The following EP300 variants were observed in gnomAD, a reference collection of about 807,000 sequenced individuals.
The protein encoded by EP300 is histone acetyltransferase p300.
EP300 carries 31 observed loss-of-function variants against 264.0 expected under a neutral mutation model. The ratio of observed to expected loss-of-function variants is 0.12; its 90% CI spans 0.09 to 0.16. The LOEUF (loss-of-function observed/expected upper bound fraction) is 0.16. EP300 is among the 10% of genes least tolerant of loss of function. The pLI is 1.00. For missense variants in EP300, 2,766 were observed against 3,052.9 expected (o/e 0.91, Z 2.21); for synonymous variants, 1,340 against 1,045.4 (o/e 1.28, Z -5.44).
At chr22:41,094,549 C>T (rs2058691682) in intron 1 of EP300, among the ~76,000 whole-genome samples, 1 of 152,176 alleles carries the variant, frequency 6.6e-6, no homozygotes, top group Non-Finnish European at 1.5e-5. Flanking sequence ...TATGAAGGTA[C>T]TGTAGTCTCC....
At chr22:41,096,463 G>A (rs968720124) in intron 1 of EP300, among the ~76,000 whole-genome samples, 2 of 152,054 alleles carry the variant, frequency 1.3e-5, no homozygotes, top group African/African-American at 4.8e-5. Flanking sequence ...CAGTTTTGTG[G>A]CCCTGGGTTT....
intron 22 of EP300, among the ~76,000 whole-genome samples, chr22:41,164,699 A>G (rs1187585824): frequency 6.6e-6 from 1 of 152,182 alleles, no homozygotes; most frequent in African/African-American, 2.4e-5. Flanking sequence ...TGGGTGACAG[A>G]GTGAGACTCT....
chr22:41,099,157 C>G (rs530701815), intron 1 of EP300, among the ~76,000 whole-genome samples: 1 of 151,986 alleles, frequency 6.6e-6, no homozygotes, highest in Non-Finnish European at 1.5e-5. Context: ...CTCCGTCTCC[C>G]GGCTTCAAGC....
At position 41,117,196 on chromosome 22, in the gene EP300, C is replaced by G. The variant is rs2145696235; in HGVS notation, c.104C>G (p.Ser35Cys). 1 of 1,614,142 alleles carries G rather than the reference C, an allele frequency of 6.2e-7. No individual in the cohort carries two copies. The highest frequency in any genetic ancestry group is 1.7e-5 in the Admixed American group (1 of 60,002). ...ASASDGTDFG[S>C]LFDLEHDLPD... is the part of the protein sequence containing the mutation. ...TTCCCTTTGCTTTTAGATTTTGGCT[C>G]TCTATTTGACTTGGAGCACGACTTA... Residue 35 changes from serine (S) to cysteine (C), a missense_variant, in exon 2 of 31, where the codon TCT becomes TGT. By Grantham distance (112) the Ser-to-Cys change is moderately radical (BLOSUM62 -1). Transcript: ENST00000263253.
intron 26 of EP300, 56 bp downstream of exon 26, chr22:41,169,672 G>A: frequency 9.8e-7 from 1 of 1,020,410 alleles, no homozygotes; most frequent in Admixed American, 1.7e-5. Context: ...ATTCTGGTGA[G>A]ATATAGGTTA....
intron 8 of EP300, 123 bp downstream of exon 8, chr22:41,137,913 T>A (rs896011715): frequency 1.5e-5 from 19 of 1,297,176 alleles, no homozygotes; most frequent in African/African-American, 2.9e-5. Context: ...GAGGTTGATG[T>A]TGATACTTCT....
intron 1 of EP300, among the ~76,000 whole-genome samples, chr22:41,104,500 G>A (rs1275311446): frequency 6.6e-6 from 1 of 151,922 alleles, no homozygotes; most frequent in African/African-American, 2.4e-5. Flanking sequence ...ATGTTGGCCA[G>A]GCTGACCTCG....
At chr22:41,109,267 A>AAT (rs2058775390) in intron 1 of EP300, among the ~76,000 whole-genome samples, 1 of 151,568 alleles carries the variant, frequency 6.6e-6, no homozygotes, top group East Asian at 1.9e-4. Context: ...AAAAAAAAAA[A>AAT]ACAAAAAAAA....
At position 41,163,993 on chromosome 22, in the gene EP300, T is replaced by C. The variant is rs184657496; in HGVS notation, c.3729-60T>C. 1.3e-4 allele frequency: 192 copies of C among 1,475,050 alleles called. 1 individual carries two copies. The African/African-American group carries it at 2.5e-3, about 20-fold the overall frequency. The allele number at this position is 1,475,050 out of a possible 1,614,324, so 91.4% of individuals were successfully genotyped here. A position where few individuals can be genotyped will look rare whatever the true frequency, so the allele number is the denominator to read the frequency against. On this transcript the variant is annotated intron_variant, in intron 21 of 30. Transcript: ENST00000263253. ...CTTTGTCAGAAGTCATGGGAAATAT[T>C]GCAAGTTTTCATTTGGTTAAGGTTT...
chr22:41,161,794 A>G (rs1452477969), intron 20 of EP300, among the ~76,000 whole-genome samples: 1 of 152,150 alleles, frequency 6.6e-6, no homozygotes, highest in African/African-American at 2.4e-5. Flanking sequence ...TGTTCCTAGT[A>G]AAAATGGGGC....
chr22:41,149,460 A>T (rs1323050857), intron 13 of EP300, among the ~76,000 whole-genome samples: 3 of 152,192 alleles, frequency 2.0e-5, no homozygotes, highest in Non-Finnish European at 4.4e-5. Context: ...ATGTAGAAGG[A>T]AATCTGGCTG....
At chr22:41,135,085 A>G (rs1856383192) in intron 6 of EP300, among the ~76,000 whole-genome samples, 1 of 152,034 alleles carries the variant, frequency 6.6e-6, no homozygotes, top group Admixed American at 6.6e-5. Context: ...TTCTTTTAGT[A>G]GAGACAGGGT....
At chr22:41,171,157 G>A (rs1307796325) in intron 27 of EP300, among the ~76,000 whole-genome samples, 2 of 151,372 alleles carry the variant, frequency 1.3e-5, no homozygotes, top group Non-Finnish European at 2.9e-5. Flanking sequence ...TTTATTTTTG[G>A]GGGGAGGGTG....
rs928533272 is a variant in EP300, at chr22:41,122,612, T to C, written c.730-3252T>C. ...GAATTTCATCTGGAAAATGAAAATG[T>C]TCTTTAACTTTTTTTTTTCATTTTT... On this transcript the variant is annotated intron_variant, in intron 2 of 30. Coordinates refer to ENST00000263253, the MANE Select transcript of EP300 (RefSeq NM_001429.4). Among the ~76,000 whole-genome samples the C allele has an allele frequency of 2.0e-5, 3 of 152,316 alleles. No individual in the cohort carries two copies. The East Asian group carries it at 5.8e-4, about 29-fold the overall frequency.
At chr22:41,169,707 C>A in intron 26 of EP300, 91 bp downstream of exon 26, 1 of 774,366 alleles carries the variant, frequency 1.3e-6, no homozygotes, top group Non-Finnish European at 2.2e-6. Context: ...TAACTCTTGG[C>A]CTTTTTTTCC....
intron 21 of EP300, among the ~76,000 whole-genome samples, chr22:41,163,315 G>T (rs998026295): frequency 2.7e-5 from 4 of 149,646 alleles, no homozygotes; most frequent in African/African-American, 9.8e-5. Flanking sequence ...GGCGCCTGTA[G>T]TCCCAGCTAC....
At chr22:41,143,998 A>G (rs2058997324) in intron 10 of EP300, among the ~76,000 whole-genome samples, 2 of 152,218 alleles carry the variant, frequency 1.3e-5, no homozygotes, top group South Asian at 4.1e-4. Context: ...TGTAACGTGT[A>G]CCATCTTGAA....
chr22:41,167,552 TTATA>T (rs2059141339), intron 23 of EP300, among the ~76,000 whole-genome samples: 1 of 128,054 alleles, frequency 7.8e-6, no homozygotes, highest in Non-Finnish European at 1.6e-5. Context: ...TGTTCATTGT[TTATA>T]TATTTGTGTG....
chr22:41,106,928 G>C (rs1051480131), intron 1 of EP300, among the ~76,000 whole-genome samples: 2 of 151,908 alleles, frequency 1.3e-5, no homozygotes, highest in African/African-American at 4.8e-5. Context: ...ATTTTTTGAG[G>C]TGGGATCTCG....
Sources: allele counts gnomAD v4.1 joint callset (sites outside exome capture counted in the v4.1 genomes callset), GRCh38; gene constraint gnomAD v4.1.1; transcripts MANE v1.5; gene names NCBI Gene and HGNC (gene_info 2026-07-23, HGNC 2026-07-21).